Variants in DCTN5 observed in about 807,000 individuals in gnomAD.
DCTN5 encodes dynactin 4.
In DCTN5, 14 loss-of-function variants were observed where a neutral mutation model predicts 23.5. That is an observed-to-expected ratio of 0.60 (90% confidence interval 0.39 to 0.93). The LOEUF is 0.93. DCTN5 is among the 40% of genes least tolerant of loss of function. DCTN5 has a pLI of 0.00. For synonymous variants in DCTN5, 67 were observed against 79.6 expected (o/e 0.84, Z 0.84); for missense variants, 156 against 225.9 (o/e 0.69, Z 1.98).
intron 2 of DCTN5, among the ~76,000 whole-genome samples, chr16:23,647,888 CA>C (rs1967504393): frequency 6.6e-6 from 1 of 152,056 alleles, no homozygotes; most frequent in Non-Finnish European, 1.5e-5. Context: ...TGTCATAAAG[CA>C]TAAAATTAAA....
At position 23,659,567 on chromosome 16, in the gene DCTN5, G is replaced by A. The variant is rs1967773991; in HGVS notation, c.236+942G>A. On this transcript the variant is annotated intron_variant, in intron 3 of 5. Coordinates refer to ENST00000300087, the MANE Select transcript of DCTN5 (RefSeq NM_032486.4). ...GAAGCAATTAGCATAATCAGATAGC[G>A]ACATATGACAGCTACTATATGATGT... Among the ~76,000 whole-genome samples the A allele has an allele frequency of 2.0e-5, 3 of 152,148 alleles. No homozygotes were observed. The South Asian group carries it at 6.2e-4, about 32-fold the overall frequency.
rs996806947 is a variant in DCTN5, at chr16:23,668,979, A to C, written c.*1835A>C. 6.6e-6 allele frequency: 1 copy of C among 152,618 alleles called. No homozygotes were observed. Among genetic ancestry groups the C allele is most frequent in the Non-Finnish European group, 1.5e-5 (1 of 68,048 alleles). 9.5% of individuals were successfully genotyped at this position (152,618 alleles called of 1,614,324 possible). Reference sequence around the variant, plus strand: ...AAAACAAGGTGATGGGAAGACAAAAACAATAGCTACTACAAACAATAGGAG... The same window carrying C: ...AAAACAAGGTGATGGGAAGACAAAACCAATAGCTACTACAAACAATAGGAG... On this transcript the variant is annotated 3_prime_UTR_variant, in exon 6 of 6. Coordinates refer to ENST00000300087, the MANE Select transcript of DCTN5 (RefSeq NM_032486.4).
Position 23,671,037 on chromosome 16 carries a change from G to C in DCTN5, c.*3893G>C, listed in dbSNP as rs1040707534. The C allele has an allele frequency of 6.6e-5, 10 of 152,198 alleles. No homozygotes were observed. Among genetic ancestry groups the C allele is most frequent in the African/African-American group, 9.7e-5 (4 of 41,432 alleles). 9.4% of individuals were successfully genotyped at this position (152,198 alleles called of 1,614,324 possible). A position where few individuals can be genotyped will look rare whatever the true frequency, so the allele number is the denominator to read the frequency against. ...CAGCTTAGTGAGTGAGAAAGCCAAA[G>C]AGTCAAAATACAGAGAGGGTCTGAG... On this transcript the variant is annotated 3_prime_UTR_variant, in exon 6 of 6. Transcript: ENST00000300087.
At chr16:23,654,972 ATAC>A (rs1205130306) in intron 2 of DCTN5, among the ~76,000 whole-genome samples, 2 of 152,308 alleles carry the variant, frequency 1.3e-5, no homozygotes, top group African/African-American at 4.8e-5. Flanking sequence ...TTATGTATAT[ATAC>A]TACATTTTCT....
At chr16:23,658,969 A>G (rs1172593773) in intron 3 of DCTN5, among the ~76,000 whole-genome samples, 2 of 152,166 alleles carry the variant, frequency 1.3e-5, no homozygotes, top group Admixed American at 6.5e-5. Flanking sequence ...TGTTTTGTCT[A>G]CCTATCCCTC....
rs981187244 is a variant in DCTN5, at chr16:23,675,643, T to G, written c.*8499T>G. 2.0e-5 allele frequency: 3 copies of G among 152,202 alleles called. No individual in the cohort carries two copies. Among genetic ancestry groups the G allele is most frequent in the African/African-American group, 4.8e-5 (2 of 41,454 alleles). 9.4% of individuals were successfully genotyped at this position (152,202 alleles called of 1,614,324 possible). A position where few individuals can be genotyped will look rare whatever the true frequency, so the allele number is the denominator to read the frequency against. ...TTGCTGAACAGGGCACGACTGTTTT[T>G]GTAATATTGGAGAAAATAATTAAAG... On this transcript the variant is annotated 3_prime_UTR_variant, in exon 6 of 6. Coordinates refer to ENST00000300087, the MANE Select transcript of DCTN5 (RefSeq NM_032486.4).
intron 2 of DCTN5, among the ~76,000 whole-genome samples, chr16:23,645,102 TATATATATATATATATATATATATA>T (rs1967405921): frequency 6.6e-5 from 2 of 30,330 alleles, no homozygotes; most frequent in East Asian, 1.2e-3. Context: ...TATATATATA[TATATATATATATATATATATATATA>T]TATATATATA....
At position 23,641,525 on chromosome 16, in the gene DCTN5, G is replaced by A; in HGVS notation, c.-18G>A. ...TGACTCTGACAGGATCCGGGGCTGA[G>A]GGAAGGAGGCGGCGGCCATGGAGTT... On this transcript the variant is annotated 5_prime_UTR_variant, in exon 1 of 6. Transcript: ENST00000300087. The A allele has an allele frequency of 6.2e-6, 10 of 1,614,076 alleles. No individual in the cohort carries two copies. The highest frequency in any genetic ancestry group is 8.5e-6 in the Non-Finnish European group (10 of 1,179,972).
At chr16:23,649,597 C>T (rs1028699835) in intron 2 of DCTN5, among the ~76,000 whole-genome samples, 4 of 152,126 alleles carry the variant, frequency 2.6e-5, no homozygotes, top group South Asian at 2.1e-4. Context: ...AATCCCAGCT[C>T]TTCGAGAGGC....
chr16:23,665,032 G>T (rs1465772751), intron 4 of DCTN5, among the ~76,000 whole-genome samples: 2 of 152,164 alleles, frequency 1.3e-5, no homozygotes, highest in Non-Finnish European at 2.9e-5. Context: ...TCCCAGGCAG[G>T]TTCTTCCTTC....
intron 2 of DCTN5, among the ~76,000 whole-genome samples, chr16:23,646,480 C>G (rs918877329): frequency 6.6e-6 from 1 of 152,020 alleles, no homozygotes; most frequent in African/African-American, 2.4e-5. Flanking sequence ...ATTAAGAATC[C>G]AAACTTATGG....
Position 23,675,691 on chromosome 16 carries a change from T to G in DCTN5, c.*8547T>G, listed in dbSNP as rs117970674. 4 of 152,264 alleles carry G rather than the reference T, an allele frequency of 2.6e-5. No homozygotes were observed. Among genetic ancestry groups the G allele is most frequent in the Non-Finnish European group, 5.9e-5 (4 of 68,008 alleles). 9.4% of individuals were successfully genotyped at this position (152,264 alleles called of 1,614,324 possible). A position where few individuals can be genotyped will look rare whatever the true frequency, so the allele number is the denominator to read the frequency against. On this transcript the variant is annotated 3_prime_UTR_variant, in exon 6 of 6. Transcript: ENST00000300087. Reference sequence around the variant, plus strand: ...AAGCCTGGCACCTGGGGAGGCTTGATCCCTGGAAGCCTCCTCTTGCTGAAG... The same window carrying G: ...AAGCCTGGCACCTGGGGAGGCTTGAGCCCTGGAAGCCTCCTCTTGCTGAAG...
intron 2 of DCTN5, among the ~76,000 whole-genome samples, chr16:23,656,476 C>G (rs932022980): frequency 6.6e-6 from 1 of 151,990 alleles, no homozygotes; most frequent in Non-Finnish European, 1.5e-5. Context: ...TTTTTTCTCT[C>G]CATGCCATTT....
Position 23,667,179 on chromosome 16 carries a change from C to CT in DCTN5, c.*36dup. ...CTCATGTCTTGAATCTGCTTGAGCTCTAAGATGAACCTGGGGACAAAGTGA... is the reference window on the plus strand; with the variant it reads ...CTCATGTCTTGAATCTGCTTGAGCTCTTAAGATGAACCTGGGGACAAAGTGA... On this transcript the variant is annotated 3_prime_UTR_variant, in exon 6 of 6. Coordinates refer to ENST00000300087, the MANE Select transcript of DCTN5 (RefSeq NM_032486.4). 6.2e-7 allele frequency: 1 copy of CT among 1,609,434 alleles called. No individual in the cohort carries two copies. The highest frequency in any genetic ancestry group is 8.5e-7 in the Non-Finnish European group (1 of 1,178,244).
chr16:23,648,344 C>CTTTTTTCTTT (rs1446479407), intron 2 of DCTN5, among the ~76,000 whole-genome samples: 2 of 105,528 alleles, frequency 1.9e-5, no homozygotes, highest in Non-Finnish European at 3.9e-5. Flanking sequence ...TTTCTTTTTT[C>CTTTTTTCTTT]TTTTTTTTTT....
At chr16:23,666,784 T>G in intron 5 of DCTN5, 2 of 501,928 alleles carry the variant, frequency 4.0e-6, no homozygotes, top group Non-Finnish European at 3.5e-6. Flanking sequence ...CGGGGAGGCA[T>G]TTGGCCATTC....
At chr16:23,665,559 G>A in intron 4 of DCTN5, 67 bp from the exon 5 acceptor site, 1 of 1,454,438 alleles carries the variant, frequency 6.9e-7, no homozygotes, top group Non-Finnish European at 9.4e-7. Context: ...CATGAATGGG[G>A]AAAATAGAAA....
chr16:23,657,397 AGT>A, intron 2 of DCTN5: 1 of 343,440 alleles, frequency 2.9e-6, no homozygotes, highest in Non-Finnish European at 5.8e-6. Context: ...TCAAGGTTGC[AGT>A]GAGCTATGAT....
chr16:23,656,463 C>A (rs989553345), intron 2 of DCTN5, among the ~76,000 whole-genome samples: 3 of 152,102 alleles, frequency 2.0e-5, no homozygotes, highest in African/African-American at 7.2e-5. Flanking sequence ...CTTTCCCCAA[C>A]CCTTTTTTCT....
Sources: gnomAD v4.1 joint callset for allele counts (sites outside exome capture counted in the v4.1 genomes callset) on GRCh38, gnomAD v4.1.1 for gene constraint, MANE v1.5 for transcripts, NCBI Gene and HGNC (gene_info 2026-07-23, HGNC 2026-07-21) for gene names.